The following TMEM177 variants were observed in gnomAD, a reference collection of about 807,000 sequenced individuals.
TMEM177 encodes the protein transmembrane protein 177.
In TMEM177, 4 loss-of-function variants were observed where a neutral mutation model predicts 14.2. That is an observed-to-expected ratio of 0.28 (90% CI 0.14 to 0.64). TMEM177 has a LOEUF of 0.64. Among genes scored for constraint, TMEM177 ranks in the 30% least tolerant of loss-of-function variants. The pLI is 0.82. For synonymous variants in TMEM177, 179 were observed against 174.5 expected, an observed-to-expected ratio of 1.03 and a Z score of -0.20; for missense variants, 344 against 405.2, an observed-to-expected ratio of 0.85 and a Z score of 1.30.
the TMEM177 span, among the ~76,000 whole-genome samples, chr2:119,707,290 A>G: frequency 6.6e-6 from 1 of 152,196 alleles, no homozygotes; most frequent in Non-Finnish European, 1.5e-5. Context: ...TAACCCCAAG[A>G]GCACTGGGGA....
At chr2:119,715,391 CAG>C in the TMEM177 span, among the ~76,000 whole-genome samples, 26 of 152,026 alleles carry the variant, frequency 1.7e-4, no homozygotes, top group African/African-American at 6.3e-4. Flanking sequence ...GCCTCAAAGA[CAG>C]AGAGAAAAAG....
At chr2:119,692,565 C>T in the TMEM177 span, among the ~76,000 whole-genome samples, 1 of 152,242 alleles carries the variant, frequency 6.6e-6, no homozygotes, top group African/African-American at 2.4e-5. Context: ...TCCCTTTGGC[C>T]TGTTCTGCCC....
At chr2:119,690,001 TC>T (rs1238477239), downstream of TMEM177, among the ~76,000 whole-genome samples, 2 of 152,188 alleles carry the variant, frequency 1.3e-5, no homozygotes, top group African/African-American at 4.8e-5. Flanking sequence ...AGAGCCTTGC[TC>T]CCCGCTAGAG....
At position 119,681,063 on chromosome 2, in the gene TMEM177, G is replaced by C; in HGVS notation, c.210G>C (p.Gln70His). ...QLQSLFQEVLQDIGVPSGHCY... is the reference protein window; with the variant it reads ...QLQSLFQEVLHDIGVPSGHCY... ...AGAGCCTCTTCCAAGAGGTGCTACAGGACATAGGTGTTCCTTCAGGCCATT... is the reference window on the plus strand; with the variant it reads ...AGAGCCTCTTCCAAGAGGTGCTACACGACATAGGTGTTCCTTCAGGCCATT... The change falls in exon 2 of 2, where the codon CAG (glutamine) becomes CAC (histidine). Residue 70 changes from glutamine (Q) to histidine (H), a missense_variant. By Grantham distance (24) the Gln-to-His change is conservative. Transcript: ENST00000272521. 1 of 1,614,262 alleles carries C rather than the reference G, an allele frequency of 6.2e-7. No homozygotes were observed. The highest frequency in any genetic ancestry group is 8.5e-7 in the Non-Finnish European group (1 of 1,180,056).
At chr2:119,697,569 A>T in the TMEM177 span, among the ~76,000 whole-genome samples, 1 of 152,162 alleles carries the variant, frequency 6.6e-6, no homozygotes, top group African/African-American at 2.4e-5. Context: ...AACGAAGTCC[A>T]GGCTATTCTT....
chr2:119,698,562 G>T, the TMEM177 span: 1 of 155,276 alleles, frequency 6.4e-6, no homozygotes, highest in East Asian at 1.8e-4. Flanking sequence ...GAGGAACCTA[G>T]GATGGAAGTG....
At chr2:119,715,764 T>C in the TMEM177 span, among the ~76,000 whole-genome samples, 155 of 152,344 alleles carry the variant, frequency 1.0e-3, no homozygotes, top group Non-Finnish European at 1.3e-3. Context: ...TTTCTTGTCG[T>C]TTCAGCTCCC....
At chr2:119,694,311 CCA>C in the TMEM177 span, among the ~76,000 whole-genome samples, 1 of 149,818 alleles carries the variant, frequency 6.7e-6, no homozygotes, top group Non-Finnish European at 1.5e-5. Context: ...CACTATACCT[CCA>C]CACACACCAC....
chr2:119,704,753 G>A, the TMEM177 span, among the ~76,000 whole-genome samples: 3 of 152,194 alleles, frequency 2.0e-5, no homozygotes, highest in African/African-American at 7.2e-5. Context: ...AGCTTAGAAT[G>A]GGAGGAGCTG....
At chr2:119,689,560 A>G (rs1039606876), downstream of TMEM177, among the ~76,000 whole-genome samples, 18 of 152,226 alleles carry the variant, frequency 1.2e-4, no homozygotes, top group African/African-American at 3.9e-4. Context: ...TTCCACAACA[A>G]TCCTATTATC....
Position 119,681,291 on chromosome 2 carries a change from C to G in TMEM177, c.438C>G (p.Ser146=). 6.2e-7 allele frequency: 1 copy of G among 1,614,250 alleles called. No individual in the cohort carries two copies. Among genetic ancestry groups the G allele is most frequent in the Non-Finnish European group, 8.5e-7 (1 of 1,180,042 alleles). The change falls in exon 2 of 2, where the codon TCC becomes TCG. Residue 146 remains serine (S), a synonymous_variant. Transcript: ENST00000272521. The part of the protein sequence containing the change: ...GARLRASLTL[S]REAQKFALAR... ...GGCTGAGAGCTTCCCTGACCTTGTC[C>G]CGTGAAGCCCAGAAGTTCGCCTTGG... is the stretch of plus-strand genomic sequence containing the variant.
chr2:119,722,295 T>C, the TMEM177 span, among the ~76,000 whole-genome samples: 1 of 150,778 alleles, frequency 6.6e-6, no homozygotes, highest in Non-Finnish European at 1.5e-5. Context: ...CGTGGACATA[T>C]CACTTGAAAA....
the TMEM177 span, among the ~76,000 whole-genome samples, chr2:119,709,768 T>A: frequency 2.2e-4 from 34 of 152,126 alleles, 1 homozygote; most frequent in Admixed American, 1.6e-3. Context: ...GAGCTTGCAG[T>A]GAACCGAGAT....
the TMEM177 span, among the ~76,000 whole-genome samples, chr2:119,713,968 C>T: frequency 1.8e-4 from 27 of 152,226 alleles, no homozygotes; most frequent in Non-Finnish European, 2.2e-4. Flanking sequence ...AGCCATGACC[C>T]GGCCTGCCGC....
chr2:119,692,666 T>C, the TMEM177 span, among the ~76,000 whole-genome samples: 1 of 152,214 alleles, frequency 6.6e-6, no homozygotes, highest in African/African-American at 2.4e-5. Flanking sequence ...TCAGCCACCA[T>C]GAATCCTTTA....
chr2:119,710,938 A>G, the TMEM177 span, among the ~76,000 whole-genome samples: 2 of 152,162 alleles, frequency 1.3e-5, no homozygotes, highest in Admixed American at 6.5e-5. Context: ...GAACAGCAGT[A>G]GAGAACCCAC....
chr2:119,683,552 G>T (rs2104850817), downstream of TMEM177, among the ~76,000 whole-genome samples: 1 of 152,226 alleles, frequency 6.6e-6, no homozygotes, highest in Non-Finnish European at 1.5e-5. Context: ...TCTCAGTACT[G>T]CAGGAGCCAT....
At chr2:119,704,904 C>T in the TMEM177 span, among the ~76,000 whole-genome samples, 1 of 152,096 alleles carries the variant, frequency 6.6e-6, no homozygotes, top group Non-Finnish European at 1.5e-5. Context: ...GGTTCTGTGC[C>T]CAGGTCCTGT....
At chr2:119,717,772 C>A in the TMEM177 span, among the ~76,000 whole-genome samples, 4 of 151,902 alleles carry the variant, frequency 2.6e-5, no homozygotes, top group Admixed American at 1.3e-4. Flanking sequence ...CCATACCCAG[C>A]TAATTTTGTT....
Sources: gnomAD v4.1 joint callset for allele counts (sites outside exome capture counted in the v4.1 genomes callset) on GRCh38, gnomAD v4.1.1 for gene constraint, MANE v1.5 for transcripts, NCBI Gene and HGNC (gene_info 2026-07-23, HGNC 2026-07-21) for gene names.